MRE11: variants seen among roughly 807,000 people sequenced by gnomAD.
MRE11 encodes double-strand break repair protein MRE11.
In MRE11, 62 loss-of-function variants were observed where a neutral mutation model predicts 91.7. The observed-to-expected ratio is 0.68, with a 90% CI of 0.55 to 0.84. The LOEUF is 0.84. Among genes scored for constraint, MRE11 ranks in the 40% least tolerant of loss-of-function variants. The pLI is 0.00. For synonymous variants in MRE11, 273 were observed against 271.4 expected (o/e 1.01, Z -0.06); for missense variants, 796 against 852.9 (o/e 0.93, Z 0.83).
At chr11:94,441,667 A>C (rs1945781674) in intron 16 of MRE11, among the ~76,000 whole-genome samples, 2 of 152,214 alleles carry the variant, frequency 1.3e-5, no homozygotes, top group African/African-American at 4.8e-5. Context: ...ATTAAAAGTG[A>C]CAGAGCATAT....
chr11:94,464,612 A>G (rs1374915268), intron 10 of MRE11, among the ~76,000 whole-genome samples: 1 of 152,212 alleles, frequency 6.6e-6, no homozygotes, highest in Non-Finnish European at 1.5e-5. Context: ...AAAATAAAAT[A>G]CTAGCCTTAA....
intron 19 of MRE11, among the ~76,000 whole-genome samples, chr11:94,424,988 AAAT>A (rs1385290390): frequency 1.3e-5 from 2 of 152,182 alleles, no homozygotes; most frequent in Non-Finnish European, 2.9e-5. Context: ...GCAAATTAAG[AAAT>A]ACAGAGAATT....
At chr11:94,511,568 C>T in the MRE11 span, among the ~76,000 whole-genome samples, 1 of 152,180 alleles carries the variant, frequency 6.6e-6, no homozygotes, top group Non-Finnish European at 1.5e-5. Flanking sequence ...GAAATCTCGT[C>T]TTTCATCGTA....
chr11:94,456,075 C>G (rs1403103514), intron 14 of MRE11, among the ~76,000 whole-genome samples: 10 of 151,836 alleles, frequency 6.6e-5, no homozygotes. Flanking sequence ...AGGTTTTAGA[C>G]AAGAACAAAA....
At chr11:94,487,467 A>G (rs1220593775) in intron 3 of MRE11, among the ~76,000 whole-genome samples, 1 of 152,148 alleles carries the variant, frequency 6.6e-6, no homozygotes, top group Non-Finnish European at 1.5e-5. Flanking sequence ...GTACTCTTCA[A>G]AATATTAGGG....
intron 18 of MRE11, among the ~76,000 whole-genome samples, chr11:94,432,798 T>G (rs1945500034): frequency 1.3e-5 from 2 of 152,168 alleles, no homozygotes; most frequent in South Asian, 4.1e-4. Flanking sequence ...AGAGCGAGAC[T>G]CCGTCTCAAA....
intron 13 of MRE11, 146 bp from the exon 14 acceptor site, chr11:94,456,484 T>C: frequency 1.4e-6 from 1 of 699,838 alleles, no homozygotes; most frequent in South Asian, 1.7e-5. Context: ...ATTTTTCCAA[T>C]TATTAACGTT....
chr11:94,438,504 G>C (rs538609194), intron 16 of MRE11, among the ~76,000 whole-genome samples: 2 of 152,290 alleles, frequency 1.3e-5, no homozygotes, highest in South Asian at 4.1e-4. Flanking sequence ...AGGCTAGACA[G>C]AGCAACTGAA....
chr11:94,434,947 T>A (rs1230594613), intron 18 of MRE11, among the ~76,000 whole-genome samples: 2 of 152,174 alleles, frequency 1.3e-5, no homozygotes, highest in Admixed American at 1.3e-4. Context: ...GATTACTTTA[T>A]TAAGTAGAAA....
intron 19 of MRE11, among the ~76,000 whole-genome samples, chr11:94,424,861 G>A (rs1456805396): frequency 3.9e-5 from 6 of 152,060 alleles, no homozygotes; most frequent in South Asian, 2.1e-4. Context: ...ATGTAAAGAG[G>A]CAAAACCTAT....
In MRE11 at chr11:94,476,356, C is replaced by CT; in HGVS notation, c.591dup (p.Val198SerfsTer10). The CT allele has an allele frequency of 6.2e-7, 1 of 1,613,192 alleles. No individual in the cohort carries two copies. The highest frequency in any genetic ancestry group is 1.3e-5 in the African/African-American group (1 of 75,012). ...TCTTCCTTTGGTCTCAACATTGTTA[C>CT]TTTTTTATTGACAAACATTCGATAG... On this transcript the variant is annotated frameshift_variant, in exon 7 of 20. Transcript: ENST00000323929. LOFTEE classifies it high-confidence loss of function.
intron 12 of MRE11, among the ~76,000 whole-genome samples, chr11:94,460,613 C>T (rs1049264761): frequency 6.6e-6 from 1 of 152,180 alleles, no homozygotes; most frequent in South Asian, 2.1e-4. Flanking sequence ...ACCCTAGTTA[C>T]TTCTAAGTTT....
upstream of MRE11, chr11:94,497,799 C>A: frequency 2.8e-6 from 1 of 359,346 alleles, no homozygotes. Context: ...ATGCAATAAA[C>A]CTTAGTTGGA....
rs1281309783 is a variant in MRE11 at position 94,416,477 on chromosome 11, C to A, written c.*3648G>T. 5 of 151,968 alleles carry A rather than the reference C, an allele frequency of 3.3e-5. No homozygotes were observed. The highest frequency in any genetic ancestry group is 1.2e-4 in the African/African-American group (5 of 41,390). The allele number at this position is 151,968 out of a possible 1,614,324, so 9.4% of individuals were successfully genotyped here. A position where few individuals can be genotyped will look rare whatever the true frequency, so the allele number is the denominator to read the frequency against. On this transcript the variant is annotated 3_prime_UTR_variant, in exon 20 of 20. Transcript: ENST00000323929. ...TCTTTTTCATTCAAGAATATGGAAA[C>A]TCATTGGACTGAAAAACCCAAATCT...
At chr11:94,439,244 G>A (rs917137160) in intron 16 of MRE11, among the ~76,000 whole-genome samples, 2 of 151,934 alleles carry the variant, frequency 1.3e-5, no homozygotes, top group Non-Finnish European at 2.9e-5. Flanking sequence ...GTGATGACAA[G>A]TATAGTTACT....
At position 94,492,601 on chromosome 11, in the gene MRE11, C is replaced by G. The variant is rs1395744318; in HGVS notation, c.20+181G>C. On this transcript the variant is annotated intron_variant, in intron 2 of 19. Transcript: ENST00000323929. The stretch of plus-strand genomic sequence containing the variant: ...CCAATCTATAGCTGCATATTAGCTT[C>G]CAGTTAACAAACAGATAAATATTTA... 4.6e-6 allele frequency: 5 copies of G among 1,092,842 alleles called. No individual in the cohort carries two copies. The Admixed American group carries it at 1.0e-4, about 23-fold the overall frequency. 67.7% of individuals were successfully genotyped at this position (1,092,842 alleles called of 1,614,324 possible).
rs1247095850 is a variant in MRE11 at position 94,418,814 on chromosome 11, A to G, written c.*1311T>C. The G allele has an allele frequency of 2.2e-5, 5 of 231,650 alleles. No homozygotes were observed. The highest frequency in any genetic ancestry group is 2.6e-5 in the Non-Finnish European group (3 of 117,174). The allele number at this position is 231,650 out of a possible 1,614,324, so 14.3% of individuals were successfully genotyped here. A position where few individuals can be genotyped will look rare whatever the true frequency, so the allele number is the denominator to read the frequency against. Reference sequence around the variant, plus strand: ...CAGAAAAAATATTTTTAAGAAAGTCAATAGAATGTTATATTGCAAGTTTTG... The same window carrying G: ...CAGAAAAAATATTTTTAAGAAAGTCGATAGAATGTTATATTGCAAGTTTTG... On this transcript the variant is annotated 3_prime_UTR_variant, in exon 20 of 20. Coordinates refer to ENST00000323929, the MANE Select transcript of MRE11 (RefSeq NM_005591.4).
chr11:94,416,855 A>G lies in MRE11; in HGVS notation c.*3270T>C, dbSNP rs1337642416. 1 of 151,916 alleles carries G rather than the reference A, an allele frequency of 6.6e-6. No individual in the cohort carries two copies. The highest frequency in any genetic ancestry group is 1.5e-5 in the Non-Finnish European group (1 of 67,978). 9.4% of individuals were successfully genotyped at this position (151,916 alleles called of 1,614,324 possible). On this transcript the variant is annotated 3_prime_UTR_variant, in exon 20 of 20. Coordinates refer to ENST00000323929, the MANE Select transcript of MRE11 (RefSeq NM_005591.4). ...GCGAGACTCCGTCTCAAAAAAAAAA[A>G]ACAAAAAAAACCCAAAATACTATGA...
At chr11:94,452,651 T>A (rs955807746) in intron 14 of MRE11, among the ~76,000 whole-genome samples, 20 of 152,222 alleles carry the variant, frequency 1.3e-4, no homozygotes, top group African/African-American at 4.8e-4. Flanking sequence ...ATTCAAATTG[T>A]ATTTTAACTC....
Sources: allele counts gnomAD v4.1 joint callset (sites outside exome capture counted in the v4.1 genomes callset), GRCh38; gene constraint gnomAD v4.1.1; transcripts MANE v1.5; gene names NCBI Gene and HGNC (gene_info 2026-07-23, HGNC 2026-07-21).